The following CCDC144A variants were observed in gnomAD, a reference collection of about 807,000 sequenced individuals.
CCDC144A encodes the protein coiled-coil domain containing 144A.
A neutral mutation model predicts 143.8 loss-of-function variants in CCDC144A; 41 were observed. The observed-to-expected ratio is 0.29, with a 90% confidence interval of 0.22 to 0.37. The LOEUF (loss-of-function observed/expected upper bound fraction) is 0.37. Ranked by LOEUF, CCDC144A falls within the 10% of genes least tolerant of loss-of-function variation. The pLI is 1.00. For synonymous variants in CCDC144A, 242 were observed against 517.9 expected, an observed-to-expected ratio of 0.47 and a Z score of 7.23; for missense variants, 637 against 1,488.8, an observed-to-expected ratio of 0.43 and a Z score of 9.41.
At chr17:16,751,607 C>G (rs1396461922) in intron 12 of CCDC144A, among the ~76,000 whole-genome samples, 1 of 152,220 alleles carries the variant, frequency 6.6e-6, no homozygotes, top group East Asian at 1.9e-4. Flanking sequence ...CACCTCCCAC[C>G]CTTAGGGCAG....
chr17:16,709,223 A>C lies in CCDC144A; in HGVS notation c.1166A>C (p.Gln389Pro). The C allele has an allele frequency of 6.2e-7, 1 of 1,611,752 alleles. No individual in the cohort carries two copies. Among genetic ancestry groups the C allele is most frequent in the East Asian group, 2.2e-5 (1 of 44,848 alleles). ...PYSGSQEHVC[Q>P]SSSKFHLHEN... is the part of the protein sequence containing the mutation. Reference sequence around the variant, plus strand: ...TCTGGGTCCCAGGAACATGTTTGCCAGTCATCTTCTAAGTTTCATTTACAT... The same window carrying C: ...TCTGGGTCCCAGGAACATGTTTGCCCGTCATCTTCTAAGTTTCATTTACAT... Residue 389 changes from glutamine (Q) to proline (P), a missense_variant, in exon 5 of 17, where the codon CAG becomes CCG. Transcript: ENST00000399273.
At chr17:16,755,469 G>GT (rs1915033456) in intron 12 of CCDC144A, among the ~76,000 whole-genome samples, 1 of 152,066 alleles carries the variant, frequency 6.6e-6, no homozygotes, top group Non-Finnish European at 1.5e-5. Context: ...TCCAGATTGA[G>GT]GACTCCTGTA....
At chr17:16,766,191 G>A (rs1363452257) in intron 15 of CCDC144A, 1 of 152,538 alleles carries the variant, frequency 6.6e-6, no homozygotes, top group Non-Finnish European at 1.5e-5. Flanking sequence ...GTCACAGATA[G>A]GTGAGAGACA....
At chr17:16,679,170 T>C in the CCDC144A span, among the ~76,000 whole-genome samples, 1 of 151,958 alleles carries the variant, frequency 6.6e-6, no homozygotes, top group Non-Finnish European at 1.5e-5. Context: ...TCTATCACCA[T>C]TGCATCAATG....
intron 6 of CCDC144A, among the ~76,000 whole-genome samples, chr17:16,717,963 C>T (rs1912871040): frequency 6.6e-6 from 1 of 152,134 alleles, no homozygotes; most frequent in Non-Finnish European, 1.5e-5. Flanking sequence ...AACTTGTGGT[C>T]TGCTGCAAGG....
chr17:16,709,238 T>A lies in CCDC144A; in HGVS notation c.1181T>A (p.Phe394Tyr). ...QEHVCQSSSK[F>Y]HLHENKLDCD... ...CATGTTTGCCAGTCATCTTCTAAGTTTCATTTACATGAAAATAAATTAGAC... is the reference window on the plus strand; with the variant it reads ...CATGTTTGCCAGTCATCTTCTAAGTATCATTTACATGAAAATAAATTAGAC... The change falls in exon 5 of 17, where the codon TTT becomes TAT. Residue 394 changes from phenylalanine (F) to tyrosine (Y), a missense_variant. Coordinates refer to ENST00000399273, the MANE Select transcript of CCDC144A (RefSeq NM_001382000.1). 1 of 1,611,730 alleles carries A rather than the reference T, an allele frequency of 6.2e-7. No homozygotes were observed. The highest frequency in any genetic ancestry group is 8.5e-7 in the Non-Finnish European group (1 of 1,179,664).
chr17:16,758,886 C>A (rs1915225521), intron 12 of CCDC144A, among the ~76,000 whole-genome samples: 1 of 152,106 alleles, frequency 6.6e-6, no homozygotes, highest in South Asian at 2.1e-4. Context: ...ATTGGAAAAA[C>A]CACTTGTCCC....
At chr17:16,674,486 G>T in the CCDC144A span, among the ~76,000 whole-genome samples, 1 of 151,716 alleles carries the variant, frequency 6.6e-6, no homozygotes, top group Admixed American at 6.6e-5. Flanking sequence ...TTTTAAGTGA[G>T]CCTTGTTAGC....
At chr17:16,669,953 G>C in the CCDC144A span, among the ~76,000 whole-genome samples, 2 of 152,116 alleles carry the variant, frequency 1.3e-5, no homozygotes, top group African/African-American at 4.8e-5. Context: ...GAGGCTGAGG[G>C]GGGTGGATAA....
chr17:16,729,991 T>TATATATATATATAC lies in CCDC144A; in HGVS notation c.2106-1808_2106-1807insTATATATATATACA, dbSNP rs1491438660. ...ATATATATATATATATATATATATA[T>TATATATATATATAC]ACACACATACATTTTTTGTTTTTTT... On this transcript the variant is annotated intron_variant, in intron 9 of 16. Coordinates refer to ENST00000399273, the MANE Select transcript of CCDC144A (RefSeq NM_001382000.1). Among the ~76,000 whole-genome samples the TATATATATATATAC allele has an allele frequency of 9.1e-4, 105 of 114,854 alleles. 1 individual carries two copies. The highest frequency in any genetic ancestry group is 3.3e-3 in the African/African-American group (99 of 30,078). 75.3% of individuals were successfully genotyped at this position (114,854 alleles called of 152,430 possible).
chr17:16,672,722 C>A, the CCDC144A span, among the ~76,000 whole-genome samples: 1 of 152,112 alleles, frequency 6.6e-6, no homozygotes, highest in African/African-American at 2.4e-5. Flanking sequence ...ACTGTGTGTA[C>A]AATCAGTCCC....
chr17:16,723,056 C>T (rs768304255), intron 8 of CCDC144A, among the ~76,000 whole-genome samples: 3 of 151,112 alleles, frequency 2.0e-5, no homozygotes, highest in African/African-American at 4.9e-5. Context: ...TTTTTGAGGG[C>T]GGGGGAGAGG....
At chr17:16,703,885 A>G (rs1453615814) in intron 2 of CCDC144A, among the ~76,000 whole-genome samples, 1 of 152,202 alleles carries the variant, frequency 6.6e-6, no homozygotes, top group Non-Finnish European at 1.5e-5. Context: ...CCCATTCACC[A>G]TTAGAGCTAT....
chr17:16,709,615 G>A lies in CCDC144A; in HGVS notation c.1558G>A (p.Asp520Asn), dbSNP rs1273292620. 6.2e-7 allele frequency: 1 copy of A among 1,611,404 alleles called. No homozygotes were observed. The highest frequency in any genetic ancestry group is 1.7e-5 in the Admixed American group (1 of 59,992). ...AGAGTTCCTGGCTTTGAAGAAAGAAGATGTTCAACTTCATAAAGATGTAGG... is the reference window on the plus strand; with the variant it reads ...AGAGTTCCTGGCTTTGAAGAAAGAAAATGTTCAACTTCATAAAGATGTAGG... ...EEEFLALKKE[D>N]VQLHKDVEEE... is the part of the protein sequence containing the mutation. Residue 520 changes from aspartate (D) to asparagine (N), a missense_variant, in exon 5 of 17, where the codon GAT (aspartate) becomes AAT (asparagine). Asp to Asn is a conservative substitution (Grantham distance 23). Coordinates refer to ENST00000399273, the MANE Select transcript of CCDC144A (RefSeq NM_001382000.1).
At chr17:16,667,635 TC>T in the CCDC144A span, among the ~76,000 whole-genome samples, 2 of 151,616 alleles carry the variant, frequency 1.3e-5, no homozygotes, top group African/African-American at 4.9e-5. Flanking sequence ...CGGTGTCCTT[TC>T]TTACTCTGTC....
At chr17:16,722,349 T>C in intron 8 of CCDC144A, among the ~76,000 whole-genome samples, 1 of 152,114 alleles carries the variant, frequency 6.6e-6, no homozygotes, top group East Asian at 1.9e-4. Context: ...ATTTAGAGCG[T>C]TTTAAAAGAC....
In CCDC144A at chr17:16,746,327, C is replaced by T. The variant is rs1914515334; in HGVS notation, c.3372+10684C>T. ...TCTTCTTTTTTCCTCTTCCCGCAAA[C>T]GTTTATTTTCTAACTCTCTCCTCCG... is the stretch of plus-strand genomic sequence containing the variant. On this transcript the variant is annotated intron_variant, in intron 12 of 16. Coordinates refer to ENST00000399273, the MANE Select transcript of CCDC144A (RefSeq NM_001382000.1). The T allele has an allele frequency of 4.8e-6, 5 of 1,038,376 alleles. 1 individual carries two copies. In the South Asian group the frequency reaches 6.4e-5, roughly 13 times the overall value. The allele number at this position is 1,038,376 out of a possible 1,614,324, so 64.3% of individuals were successfully genotyped here. A position where few individuals can be genotyped will look rare whatever the true frequency, so the allele number is the denominator to read the frequency against.
chr17:16,683,653 C>G, the CCDC144A span: 5 of 1,609,902 alleles, frequency 3.1e-6, no homozygotes, highest in East Asian at 1.1e-4. Flanking sequence ...GTCAGGAAAT[C>G]TGCAAGCCCG....
chr17:16,674,117 G>A, the CCDC144A span, among the ~76,000 whole-genome samples: 1 of 152,012 alleles, frequency 6.6e-6, no homozygotes, highest in Non-Finnish European at 1.5e-5. Flanking sequence ...AATTTAGAAA[G>A]TGTTTCAACC....
Sources: allele counts gnomAD v4.1 joint callset (sites outside exome capture counted in the v4.1 genomes callset), GRCh38; gene constraint gnomAD v4.1.1; transcripts MANE v1.5; gene names NCBI Gene and HGNC (gene_info 2026-07-23, HGNC 2026-07-21).